TNRC6A: variants seen among roughly 807,000 people sequenced by gnomAD.
TNRC6A encodes the protein trinucleotide repeat containing adaptor 6A.
In TNRC6A, 44 loss-of-function variants were observed where a neutral mutation model predicts 221.2. The observed-to-expected ratio is 0.20, with a 90% confidence interval of 0.16 to 0.26. TNRC6A has a LOEUF of 0.26. Ranked by LOEUF, TNRC6A falls within the 10% of genes least tolerant of loss-of-function variation. The pLI is 1.00. For synonymous variants in TNRC6A, 847 were observed against 838.5 expected (o/e 1.01, Z -0.18); for missense variants, 2,199 against 2,404.4 (o/e 0.91, Z 1.79).
At chr16:24,805,179 G>C in intron 14 of TNRC6A, 28 bp downstream of exon 14, 9 of 1,608,792 alleles carry the variant, frequency 5.6e-6, no homozygotes, top group Non-Finnish European at 7.7e-6. Context: ...ACATTCTCCT[G>C]TTTACCTGCA....
At chr16:24,761,352 T>C (rs570997152) in intron 4 of TNRC6A, among the ~76,000 whole-genome samples, 3 of 152,346 alleles carry the variant, frequency 2.0e-5, no homozygotes, top group Non-Finnish European at 4.4e-5. Flanking sequence ...CTTACGAGTA[T>C]GTCCTTGAAA....
intron 1 of TNRC6A, among the ~76,000 whole-genome samples, chr16:24,612,872 T>C (rs1260612995): frequency 6.6e-6 from 1 of 152,076 alleles, no homozygotes; most frequent in Non-Finnish European, 1.5e-5. Context: ...GGAAGGCAGC[T>C]ATTAAGTCAT....
chr16:24,707,202 G>A (rs955456134), intron 2 of TNRC6A, among the ~76,000 whole-genome samples: 1 of 151,866 alleles, frequency 6.6e-6, no homozygotes, highest in Non-Finnish European at 1.5e-5. Context: ...CAACATATTG[G>A]CCAGGCTGGT....
At chr16:24,635,465 T>C (rs1044836859) in intron 1 of TNRC6A, among the ~76,000 whole-genome samples, 1 of 152,004 alleles carries the variant, frequency 6.6e-6, no homozygotes, top group Admixed American at 6.6e-5. Flanking sequence ...GTATTTTTAG[T>C]ACAGACAGGG....
Position 24,818,584 on chromosome 16 carries a change from C to T in TNRC6A, c.4973-9C>T. 6.2e-7 allele frequency: 1 copy of T among 1,612,098 alleles called. No individual in the cohort carries two copies. Among genetic ancestry groups the T allele is most frequent in the Non-Finnish European group, 8.5e-7 (1 of 1,178,154 alleles). ...CTCTGGTGGCTGATTGGACTCTTCC[C>T]CCACACAGGGTCATCCTCATCCTTG... On this transcript the variant is annotated splice_polypyrimidine_tract_variant and intron_variant, in intron 20 of 24. Coordinates refer to ENST00000395799, the MANE Select transcript of TNRC6A (RefSeq NM_014494.4).
chr16:24,803,277 G>A (rs1281317995), intron 11 of TNRC6A, among the ~76,000 whole-genome samples: 1 of 151,752 alleles, frequency 6.6e-6, no homozygotes, highest in Non-Finnish European at 1.5e-5. Flanking sequence ...AAATTAGCTG[G>A]GTGTGGTGGT....
In TNRC6A at chr16:24,671,121, A is replaced by C. The variant is rs369970217; in HGVS notation, n.402+30112A>C. 19 of 240,670 alleles carry C rather than the reference A, an allele frequency of 7.9e-5. 1 individual carries two copies. The East Asian group carries it at 1.4e-3, about 17-fold the overall frequency. The allele number at this position is 240,670 out of a possible 1,614,324, so 14.9% of individuals were successfully genotyped here. Reference sequence around the variant, plus strand: ...AGGTCACCCACCACCAGCACCAGCAATGACGAAGCACCCGCCTGCTCCCTG... The same window carrying C: ...AGGTCACCCACCACCAGCACCAGCACTGACGAAGCACCCGCCTGCTCCCTG... On this transcript the variant is annotated intron_variant and non_coding_transcript_variant, in intron 2 of 2. Coordinates refer to the TNRC6A transcript ENST00000566108.
chr16:24,766,097 C>T (rs1018239723), intron 4 of TNRC6A, among the ~76,000 whole-genome samples: 5 of 152,140 alleles, frequency 3.3e-5, no homozygotes, highest in South Asian at 2.1e-4. Context: ...AGTGGTTAAT[C>T]GGTACTTAGC....
At chr16:24,740,326 C>A (rs2056864634) in intron 2 of TNRC6A, among the ~76,000 whole-genome samples, 1 of 152,104 alleles carries the variant, frequency 6.6e-6, no homozygotes, top group South Asian at 2.1e-4. Context: ...TTTGGATCAG[C>A]TTGTCAATTT....
chr16:24,682,165 G>C (rs1398934154), intron 2 of TNRC6A, among the ~76,000 whole-genome samples: 1 of 152,006 alleles, frequency 6.6e-6, no homozygotes, highest in Non-Finnish European at 1.5e-5. Context: ...AACAAAGAAT[G>C]CATCAGTCAA....
chr16:24,782,581 G>A (rs1057282389), intron 5 of TNRC6A, among the ~76,000 whole-genome samples: 3 of 152,038 alleles, frequency 2.0e-5, no homozygotes, highest in Non-Finnish European at 4.4e-5. Context: ...AATTTTGTAC[G>A]TAAGAGTGAT....
intron 2 of TNRC6A, among the ~76,000 whole-genome samples, chr16:24,722,617 G>A (rs2151096831): frequency 6.6e-6 from 1 of 151,814 alleles, no homozygotes; most frequent in East Asian, 1.9e-4. Flanking sequence ...TATTTTTAGT[G>A]GAGACAGGGT....
In TNRC6A at chr16:24,805,587, T is replaced by TA. The variant is rs770942107; in HGVS notation, c.4123-17dup. 45 of 1,613,660 alleles carry TA rather than the reference T, an allele frequency of 2.8e-5. No homozygotes were observed. The highest frequency in any genetic ancestry group is 5.3e-5 in the African/African-American group (4 of 74,924). ...AGTTATTTTATCAAGATCATTAACTTACCATTGTGATCCTAAGGTTCCAGT... is the reference window on the plus strand; with the variant it reads ...AGTTATTTTATCAAGATCATTAACTTAACCATTGTGATCCTAAGGTTCCAGT... On this transcript the variant is annotated splice_polypyrimidine_tract_variant and intron_variant, in intron 14 of 24. Transcript: ENST00000395799.
chr16:24,789,210 T>C, intron 5 of TNRC6A, 22 bp from the exon 6 acceptor site: 1 of 1,541,602 alleles, frequency 6.5e-7, no homozygotes, highest in Non-Finnish European at 8.7e-7. Context: ...TTATAAATAG[T>C]TGTACTTCTC....
At position 24,729,716 on chromosome 16, in the gene TNRC6A, G is replaced by A. The variant is rs1407615649; in HGVS notation, c.-126G>A. ...CGGCGGCGGCGGCGGCGGCGGCGGC[G>A]GCAGCGGGTCGGTGTAGAAAATGGC... On this transcript the variant is annotated 5_prime_UTR_variant, in exon 1 of 25. Coordinates refer to ENST00000395799, the MANE Select transcript of TNRC6A (RefSeq NM_014494.4). 27 of 1,044,082 alleles carry A rather than the reference G, an allele frequency of 2.6e-5. No individual in the cohort carries two copies. The highest frequency in any genetic ancestry group is 1.8e-4 in the South Asian group (6 of 33,472). 64.7% of individuals were successfully genotyped at this position (1,044,082 alleles called of 1,614,324 possible).
At chr16:24,674,285 C>A (rs563988322) in intron 2 of TNRC6A, among the ~76,000 whole-genome samples, 1 of 152,028 alleles carries the variant, frequency 6.6e-6, no homozygotes, top group South Asian at 2.1e-4. Flanking sequence ...CCAGGCTGGT[C>A]TCAGTTAAAT....
chr16:24,817,094 TG>T, intron 20 of TNRC6A, 138 bp downstream of exon 20: 1 of 784,372 alleles, frequency 1.3e-6, no homozygotes, highest in Non-Finnish European at 1.9e-6. Flanking sequence ...GAGGCAAGCC[TG>T]GGCAACATAG....
rs185097944 is a variant in TNRC6A, at chr16:24,779,273, G to A, written c.589+1915G>A. On this transcript the variant is annotated intron_variant, in intron 5 of 24. Coordinates refer to ENST00000395799, the MANE Select transcript of TNRC6A (RefSeq NM_014494.4). ...TGGAGGCTAAGGTGGAAGTGAGGAGGGTGCAGCAATCTGACTGAAGCCTGG... is the reference window on the plus strand; with the variant it reads ...TGGAGGCTAAGGTGGAAGTGAGGAGAGTGCAGCAATCTGACTGAAGCCTGG... Among the ~76,000 whole-genome samples, 9 of 152,142 alleles carry A rather than the reference G, an allele frequency of 5.9e-5. No homozygotes were observed. The East Asian group carries it at 1.5e-3, about 26-fold the overall frequency.
chr16:24,791,858 AC>A, intron 6 of TNRC6A, 41 bp downstream of exon 6: 1 of 1,455,686 alleles, frequency 6.9e-7, no homozygotes, highest in Non-Finnish European at 9.0e-7. Context: ...GTTTTAACTT[AC>A]TGTTATTATA....
Sources: allele counts gnomAD v4.1 joint callset (sites outside exome capture counted in the v4.1 genomes callset), GRCh38; gene constraint gnomAD v4.1.1; transcripts MANE v1.5; gene names NCBI Gene and HGNC (gene_info 2026-07-23, HGNC 2026-07-21).